Variants in AGBL1 observed in about 807,000 individuals in gnomAD.
AGBL1 encodes cytosolic carboxypeptidase 4.
Under a neutral mutation model 118.9 loss-of-function variants are expected in AGBL1, and 130 were observed. The observed-to-expected ratio is 1.09, with a 90% CI of 0.95 to 1.26. The LOEUF is 1.26. Among genes scored for constraint, AGBL1 ranks in the 50% most tolerant of loss-of-function variants. The pLI is 0.00. For missense variants in AGBL1, 1,584 were observed against 1,298.1 expected (o/e 1.22, Z -3.38); for synonymous variants, 555 against 478.9 (o/e 1.16, Z -2.08).
intron 3 of AGBL1, among the ~76,000 whole-genome samples, chr15:86,148,379 A>G (rs1211497447): frequency 6.6e-6 from 1 of 152,128 alleles, no homozygotes; most frequent in East Asian, 1.9e-4. Flanking sequence ...CTAATCTTGA[A>G]AAAAGATTAG....
Position 86,703,984 on chromosome 15 carries a change from C to T in AGBL1, c.3158+29548C>T, listed in dbSNP as rs148954117. Among the ~76,000 whole-genome samples the T allele has an allele frequency of 1.9e-3, 285 of 152,160 alleles. 1 individual carries two copies. Among genetic ancestry groups the T allele is most frequent in the African/African-American group, 6.6e-3 (275 of 41,526 alleles). ...AGAACAGAGACCTCAGAAATATCAC[C>T]ACACATCTACAGCCATCTGATCTTC... On this transcript the variant is annotated intron_variant, in intron 22 of 22. Coordinates refer to ENST00000614907, the MANE Select transcript of AGBL1 (RefSeq NM_001386094.1).
intron 17 of AGBL1, among the ~76,000 whole-genome samples, chr15:86,373,329 G>T (rs974783011): frequency 2.0e-5 from 3 of 152,198 alleles, no homozygotes; most frequent in African/African-American, 7.2e-5. Flanking sequence ...ACACTTAGAA[G>T]CTCTGCTCTC....
At chr15:86,549,859 G>T (rs910190383) in intron 20 of AGBL1, among the ~76,000 whole-genome samples, 1 of 146,442 alleles carries the variant, frequency 6.8e-6, no homozygotes, top group Non-Finnish European at 1.5e-5. Context: ...AGGAGAGGAG[G>T]GGAGGGGAAG....
At chr15:86,878,431 G>A (rs1443394352) in intron 22 of AGBL1, among the ~76,000 whole-genome samples, 1 of 152,126 alleles carries the variant, frequency 6.6e-6, no homozygotes, top group Non-Finnish European at 1.5e-5. Flanking sequence ...GCTGACACCT[G>A]TTCTGGAGAA....
Position 86,247,789 on chromosome 15 carries a change from G to C in AGBL1, c.645G>C (p.Leu215=). ...ACGTGCAGATCCGACGGGGCTTGCT[G>C]CTCTGCCTCAGGCACATTGCTGCCC... The part of the protein sequence containing the change: ...NAYVQIRRGL[L]LCLRHIAALR... The change falls in exon 7 of 23, where the codon CTG becomes CTC. Residue 215 remains leucine (L), a synonymous_variant. Coordinates refer to ENST00000614907, the MANE Select transcript of AGBL1 (RefSeq NM_001386094.1). The C allele has an allele frequency of 6.2e-7, 1 of 1,613,974 alleles. No homozygotes were observed. The highest frequency in any genetic ancestry group is 8.5e-7 in the Non-Finnish European group (1 of 1,179,878).
At chr15:86,731,766 A>G (rs2077530548) in intron 22 of AGBL1, among the ~76,000 whole-genome samples, 2 of 152,216 alleles carry the variant, frequency 1.3e-5, no homozygotes, top group Non-Finnish European at 2.9e-5. Flanking sequence ...GCATTTTTAC[A>G]GATGTCTTGA....
chr15:86,949,008 T>A (rs2080852756), intron 23 of AGBL1, among the ~76,000 whole-genome samples: 1 of 152,152 alleles, frequency 6.6e-6, no homozygotes, highest in Non-Finnish European at 1.5e-5. Context: ...AGGAACTGTG[T>A]GGTCCATACA....
chr15:86,931,653 T>C (rs1443488847), intron 23 of AGBL1, among the ~76,000 whole-genome samples: 1 of 151,756 alleles, frequency 6.6e-6, no homozygotes, highest in Non-Finnish European at 1.5e-5. Flanking sequence ...AACAAATCTT[T>C]TTCATTTGAT....
chr15:86,598,036 A>G (rs2084436381), intron 21 of AGBL1, among the ~76,000 whole-genome samples: 2 of 152,144 alleles, frequency 1.3e-5, no homozygotes, highest in South Asian at 2.1e-4. Context: ...TTCTATCATC[A>G]TATTTTGTCT....
At chr15:86,661,752 C>CACGGT (rs1422574615) in intron 21 of AGBL1, among the ~76,000 whole-genome samples, 1 of 152,080 alleles carries the variant, frequency 6.6e-6, no homozygotes, top group Non-Finnish European at 1.5e-5. Flanking sequence ...TGGTGCTAAG[C>CACGGT]ACGGTGACCA....
Position 86,716,141 on chromosome 15 carries a change from A to G in AGBL1, c.3158+41705A>G, listed in dbSNP as rs114976983. 2.7e-3 allele frequency among the ~76,000 whole-genome samples: 408 copies of G among 152,062 alleles called. 1 individual carries two copies. The highest frequency in any genetic ancestry group is 9.3e-3 in the African/African-American group (384 of 41,488). ...TGCTAGTCTATTGGTAGTAATATCTATATTTTAAAGTGTGCTAGGGATTTC... is the reference window on the plus strand; with the variant it reads ...TGCTAGTCTATTGGTAGTAATATCTGTATTTTAAAGTGTGCTAGGGATTTC... On this transcript the variant is annotated intron_variant, in intron 22 of 22. Transcript: ENST00000614907.
intron 22 of AGBL1, among the ~76,000 whole-genome samples, chr15:86,721,428 G>A (rs2086718770): frequency 2.6e-5 from 4 of 152,212 alleles, no homozygotes; most frequent in South Asian, 4.1e-4. Flanking sequence ...ATGCAGAAAA[G>A]GCCTTTGACA....
At chr15:86,522,721 T>C (rs1788690885) in intron 18 of AGBL1, 89 bp from the exon 19 acceptor site, 1 of 1,457,824 alleles carries the variant, frequency 6.9e-7, no homozygotes, top group African/African-American at 1.4e-5. Flanking sequence ...TTGAAGTCAT[T>C]AGTTTAATTG....
At chr15:86,775,807 ATAT>A (rs1036048649) in intron 22 of AGBL1, among the ~76,000 whole-genome samples, 3 of 152,236 alleles carry the variant, frequency 2.0e-5, no homozygotes, top group East Asian at 1.9e-4. Context: ...CATTTAGAAA[ATAT>A]TATGACAGAC....
chr15:86,262,091 T>TTTTTTTTTTTTTTTTTTC (rs2078999307), intron 9 of AGBL1, among the ~76,000 whole-genome samples: 1 of 144,170 alleles, frequency 6.9e-6, no homozygotes, highest in Non-Finnish European at 1.5e-5. Context: ...TTTTTTTTTT[T>TTTTTTTTTTTTTTTTTTC]TTTGCCATTT....
At chr15:86,716,586 C>T (rs2086641912) in intron 22 of AGBL1, among the ~76,000 whole-genome samples, 1 of 152,034 alleles carries the variant, frequency 6.6e-6, no homozygotes, top group Non-Finnish European at 1.5e-5. Context: ...ATAGAAAAAG[C>T]AGTAAGAAAA....
intron 18 of AGBL1, among the ~76,000 whole-genome samples, chr15:86,496,052 C>T (rs1362260886): frequency 6.6e-6 from 1 of 151,900 alleles, no homozygotes; most frequent in Non-Finnish European, 1.5e-5. Context: ...CTCTGTGTCC[C>T]TATCCAGATC....
At chr15:87,019,620 G>A (rs2081641883) in intron 24 of AGBL1, among the ~76,000 whole-genome samples, 1 of 152,116 alleles carries the variant, frequency 6.6e-6, no homozygotes, top group African/African-American at 2.4e-5. Flanking sequence ...TGCAGCTAAA[G>A]CAATTCTAAG....
intron 18 of AGBL1, among the ~76,000 whole-genome samples, chr15:86,436,434 G>A (rs2082001248): frequency 6.6e-6 from 1 of 152,160 alleles, no homozygotes; most frequent in African/African-American, 2.4e-5. Flanking sequence ...TCTGTTGGGT[G>A]TATGGGAACA....
Sources: gnomAD v4.1 joint callset for allele counts (sites outside exome capture counted in the v4.1 genomes callset) on GRCh38, gnomAD v4.1.1 for gene constraint, MANE v1.5 for transcripts, NCBI Gene and HGNC (gene_info 2026-07-23, HGNC 2026-07-21) for gene names.